The following MACF1 variants were observed in gnomAD, a reference collection of about 807,000 sequenced individuals.
MACF1 encodes microtubule actin crosslinking factor 1.
MACF1 carries 193 observed loss-of-function variants against 854.8 expected under a neutral mutation model. The observed-to-expected ratio is 0.23, with a 90% CI of 0.20 to 0.25. The LOEUF is 0.25. Ranked by LOEUF, MACF1 falls within the 10% of genes least tolerant of loss-of-function variation. The probability of loss-of-function intolerance (pLI) is 1.00; values close to 1 mark genes in which losing one functional copy is unlikely to be tolerated. For synonymous variants in MACF1, 3,185 were observed against 3,226.7 expected, an observed-to-expected ratio of 0.99 and a Z score of 0.44; for missense variants, 7,722 against 8,929.1, an observed-to-expected ratio of 0.86 and a Z score of 5.45.
chr1:39,324,508 A>G, intron 34 of MACF1, 138 bp from the exon 35 acceptor site: 1 of 1,063,452 alleles, frequency 9.4e-7, no homozygotes, highest in South Asian at 1.7e-5. Flanking sequence ...GTACCTTTTT[A>G]TCAGCTGTAG....
intron 96 of MACF1, 93 bp from the exon 97 acceptor site, chr1:39,469,454 G>T (rs565362757): frequency 1.1e-6 from 1 of 873,972 alleles, no homozygotes; most frequent in South Asian, 1.4e-5. Flanking sequence ...TGCACAGGAG[G>T]CTCCCCCACT....
At chr1:39,295,300 TCCTATGTC>T in intron 19 of MACF1, 150 bp downstream of exon 19, 1 of 656,110 alleles carries the variant, frequency 1.5e-6, no homozygotes, top group East Asian at 2.7e-5. Context: ...TCCTGACTGT[TCCTATGTC>T]CCTCAAAAGC....
chr1:39,233,965 C>T (rs1336837949), intron 2 of MACF1, among the ~76,000 whole-genome samples: 1 of 142,210 alleles, frequency 7.0e-6, no homozygotes, highest in Non-Finnish European at 1.5e-5. Context: ...TCCCTGGGTA[C>T]TTGAGATTAG....
chr1:39,336,773 C>A, intron 37 of MACF1, 120 bp downstream of exon 37: 1 of 905,950 alleles, frequency 1.1e-6, no homozygotes, highest in Non-Finnish European at 1.6e-6. Flanking sequence ...TTTTAAGGCA[C>A]TAGATGATTC....
intron 6 of MACF1, chr1:39,268,950 C>T (rs77542466): frequency 4.0e-5 from 52 of 1,286,862 alleles, no homozygotes; most frequent in Middle Eastern, 4.3e-4. Context: ...GCATACCCCC[C>T]CAGATATTTT....
At chr1:39,317,595 G>A (rs1372829874) in intron 29 of MACF1, among the ~76,000 whole-genome samples, 188 bp downstream of exon 29, 2 of 152,202 alleles carry the variant, frequency 1.3e-5, no homozygotes, top group African/African-American at 4.8e-5. Context: ...CAAAGCAGAT[G>A]TAATGCCTCT....
chr1:39,429,266 A>G lies in MACF1; in HGVS notation c.16828A>G (p.Arg5610Gly). ...GGCTTTAAATGAAGAAATTGTTAAT[A>G]GAAAGAAGAATGTAGATCAAGCTAT... ...HLALNEEIVN[R>G]KKNVDQAIKN... Residue 5610 changes from arginine (R) to glycine (G), a missense_variant, in exon 64 of 101, where the codon AGA becomes GGA. Physicochemically the swap from Arg to Gly is moderately radical, Grantham distance 125 (BLOSUM62 -2). This residue lies in a region of MACF1 where 2,807 missense variants were observed against 3,235.8 expected (regional missense o/e 0.87). Transcript: ENST00000564288. The G allele has an allele frequency of 6.4e-7, 1 of 1,568,918 alleles. No homozygotes were observed. The highest frequency in any genetic ancestry group is 8.8e-7 in the Non-Finnish European group (1 of 1,139,982).
At chr1:39,411,448 T>C (rs1642999261) in intron 58 of MACF1, 1 of 1,613,846 alleles carries the variant, frequency 6.2e-7, no homozygotes, top group African/African-American at 1.3e-5. Context: ...TGGTCAGATT[T>C]GTTGCCCTGA....
Position 39,287,329 on chromosome 1 carries a change from T to C in MACF1, c.1552T>C (p.Cys518Arg), listed in dbSNP as rs745631214. Residue 518 changes from cysteine to arginine, a missense_variant, in exon 15 of 101, where the codon TGT (cysteine) becomes CGT (arginine). Physicochemically the swap from Cys to Arg is radical, Grantham distance 180. Coordinates refer to ENST00000564288, the MANE Select transcript of MACF1 (RefSeq NM_001394062.1). ...TGAGCTGGTCACCTTGCGTCTAGAG[T>C]GTACAAACCTGTACCGGAAGGGTCA... ...QDELVTLRLE[C>R]TNLYRKGHFT... 1 of 1,614,204 alleles carries C rather than the reference T, an allele frequency of 6.2e-7. No homozygotes were observed. The highest frequency in any genetic ancestry group is 1.3e-5 in the African/African-American group (1 of 75,030).
chr1:39,143,343 C>A lies in MACF1; in HGVS notation c.220+58905C>A, dbSNP rs543073379. Among the ~76,000 whole-genome samples the A allele has an allele frequency of 3.2e-4, 48 of 152,272 alleles. 1 individual carries two copies. The highest frequency in any genetic ancestry group is 3.4e-3 in the Middle Eastern group (1 of 294). On this transcript the variant is annotated intron_variant, in intron 2 of 93. Transcript: ENST00000361689. ...TTTTGGTGTATCAAAGATACACTTT[C>A]TGGTGGCAATGTCTGGTTCATTTGT... is the stretch of plus-strand genomic sequence containing the variant.
intron 97 of MACF1, among the ~76,000 whole-genome samples, chr1:39,477,135 T>TACACACACATATATACACACACACAC: frequency 9.7e-6 from 1 of 103,372 alleles, no homozygotes; most frequent in African/African-American, 3.9e-5. Context: ...TATATATATA[T>TACACACACATATATACACACACACAC]ACACACACAC....
chr1:39,381,886 A>G (rs1650257541), intron 55 of MACF1, 67 bp from the exon 56 acceptor site: 1 of 1,119,234 alleles, frequency 8.9e-7, no homozygotes, highest in Non-Finnish European at 1.4e-6. Flanking sequence ...TATTAGGAAC[A>G]TAACTTAGGT....
intron 89 of MACF1, chr1:39,458,114 A>G: frequency 2.7e-6 from 1 of 376,290 alleles, no homozygotes; most frequent in Non-Finnish European, 4.9e-6. Flanking sequence ...AAGGCCATTC[A>G]TGAGGAATTT....
At chr1:39,160,316 G>A (rs1339166284) in intron 2 of MACF1, among the ~76,000 whole-genome samples, 1 of 152,114 alleles carries the variant, frequency 6.6e-6, no homozygotes, top group Non-Finnish European at 1.5e-5. Context: ...GCTGCTCTCT[G>A]GTGCTAGAGA....
intron 1 of MACF1, among the ~76,000 whole-genome samples, chr1:39,218,623 A>G (rs1307944928): frequency 5.3e-5 from 8 of 152,122 alleles, no homozygotes; most frequent in Non-Finnish European, 1.2e-4. Context: ...GTGTTCTTAT[A>G]TGTGCCTCCC....
intron 58 of MACF1, among the ~76,000 whole-genome samples, chr1:39,407,166 G>A (rs145409573): frequency 6.6e-6 from 1 of 152,304 alleles, no homozygotes; most frequent in Non-Finnish European, 1.5e-5. Flanking sequence ...AAAGTCACCA[G>A]TTTAGGGGAC....
In MACF1 at chr1:39,484,605, T is replaced by C. The variant is rs749860219; in HGVS notation, c.22286T>C (p.Ile7429Thr). Residue 7429 changes from isoleucine to threonine, a missense_variant, in exon 100 of 101, where the codon ATC becomes ACC. This residue lies in a region of MACF1 where 185 missense variants were observed against 225.7 expected (regional missense o/e 0.82). Coordinates refer to ENST00000564288, the MANE Select transcript of MACF1 (RefSeq NM_001394062.1). ...CTTTTTATTATTTTTTTTAAGGTTA[T>C]CCCATCATCAGGTAGCAAGTTGAAA... ...PDLQLPTPEV[I>T]PSSGSKLKRP... The C allele has an allele frequency of 1.9e-6, 3 of 1,612,850 alleles. No individual in the cohort carries two copies.
In MACF1 at chr1:39,250,047, C is replaced by A. The variant is rs1645023212; in HGVS notation, c.205C>A (p.Leu69Met). The stretch of plus-strand genomic sequence containing the variant: ...GCACATCAATGATCTTTATGAAGAT[C>A]TGCGGGATGGCCATAACCTGATCTC... Reference protein sequence around the residue: ...RKHINDLYEDLRDGHNLISLL... With the variant: ...RKHINDLYEDMRDGHNLISLL... The change falls in exon 3 of 101, where the codon CTG becomes ATG. Residue 69 changes from leucine to methionine, a missense_variant. By Grantham distance (15) the Leu-to-Met change is conservative (BLOSUM62 2). This residue lies in a region of MACF1 where 82 missense variants were observed against 84.0 expected (regional missense o/e 0.98). Coordinates refer to ENST00000564288, the MANE Select transcript of MACF1 (RefSeq NM_001394062.1). The A allele has an allele frequency of 6.2e-7, 1 of 1,613,584 alleles. No individual in the cohort carries two copies. Among genetic ancestry groups the A allele is most frequent in the African/African-American group, 1.3e-5 (1 of 74,902 alleles).
chr1:39,381,691 A>G (rs954989723), intron 55 of MACF1, among the ~76,000 whole-genome samples: 2 of 152,068 alleles, frequency 1.3e-5, no homozygotes, highest in East Asian at 1.9e-4. Context: ...TTAACTGGGC[A>G]TGGTGGCACA....
Sources: gnomAD v4.1 joint callset for allele counts (sites outside exome capture counted in the v4.1 genomes callset) on GRCh38, gnomAD v4.1.1 for gene constraint, gnomAD v4.1.1 regional missense constraint, MANE v1.5 for transcripts, NCBI Gene and HGNC (gene_info 2026-07-23, HGNC 2026-07-21) for gene names.